STAB2: variants seen among roughly 807,000 people sequenced by gnomAD.
STAB2 encodes the protein stabilin-2.
Under a neutral mutation model 338.1 loss-of-function variants are expected in STAB2, and 288 were observed. The ratio of observed to expected loss-of-function variants is 0.85; its 90% CI spans 0.77 to 0.94. The LOEUF (loss-of-function observed/expected upper bound fraction) is 0.94, where lower values mean the gene tolerates loss of function less well. Ranked by LOEUF, STAB2 falls within the 40% of genes least tolerant of loss-of-function variation. The probability of loss-of-function intolerance (pLI) is 0.00; values close to 1 mark genes in which losing one functional copy is unlikely to be tolerated. For missense variants in STAB2, 3,141 were observed against 3,210.1 expected, an observed-to-expected ratio of 0.98 and a Z score of 0.52; for synonymous variants, 1,202 against 1,193.3, an observed-to-expected ratio of 1.01 and a Z score of -0.15.
chr12:103,717,797 A>G lies in STAB2; in HGVS notation c.4639A>G (p.Thr1547Ala), dbSNP rs1880444093. ...TGCCTGTAACTGTTTGCCAGCATACACTGGAGATGGAAAGGTCTGCACACT... is the reference window on the plus strand; with the variant it reads ...TGCCTGTAACTGTTTGCCAGCATACGCTGGAGATGGAAAGGTCTGCACACT... ...QAACNCLPAY[T>A]GDGKVCTLIN... The change falls in exon 44 of 69, where the codon ACT becomes GCT. Residue 1547 changes from threonine to alanine, a missense_variant. By Grantham distance (58) the Thr-to-Ala change is moderately conservative. Coordinates refer to ENST00000388887, the MANE Select transcript of STAB2 (RefSeq NM_017564.10). The G allele has an allele frequency of 2.5e-6, 4 of 1,614,084 alleles. No homozygotes were observed. Among genetic ancestry groups the G allele is most frequent in the Admixed American group, 1.7e-5 (1 of 60,028 alleles).
Position 103,717,780 on chromosome 12 carries a change from A to T in STAB2, c.4622A>T (p.Asn1541Ile), listed in dbSNP as rs766308655. 1 of 1,614,090 alleles carries T rather than the reference A, an allele frequency of 6.2e-7. No individual in the cohort carries two copies. The highest frequency in any genetic ancestry group is 1.7e-5 in the Admixed American group (1 of 60,014). Reference protein sequence around the residue: ...TQTGPNQAACNCLPAYTGDGK... With the variant: ...TQTGPNQAACICLPAYTGDGK... Reference sequence around the variant, plus strand: ...TCTACTCCTGGACAGGCTGCCTGTAACTGTTTGCCAGCATACACTGGAGAT... The same window carrying T: ...TCTACTCCTGGACAGGCTGCCTGTATCTGTTTGCCAGCATACACTGGAGAT... The change falls in exon 44 of 69, where the codon AAC becomes ATC. Residue 1541 changes from asparagine (N) to isoleucine (I), a missense_variant. By Grantham distance (149) the Asn-to-Ile change is moderately radical. Coordinates refer to ENST00000388887, the MANE Select transcript of STAB2 (RefSeq NM_017564.10).
intron 3 of STAB2, among the ~76,000 whole-genome samples, chr12:103,603,779 T>G (rs562359144): frequency 2.6e-5 from 4 of 152,348 alleles, no homozygotes; most frequent in African/African-American, 9.6e-5. Context: ...TAATTCGAAT[T>G]CCATTAAATC....
intron 3 of STAB2, among the ~76,000 whole-genome samples, chr12:103,613,101 G>A (rs560891292): frequency 1.3e-5 from 2 of 152,294 alleles, no homozygotes; most frequent in Admixed American, 1.3e-4. Flanking sequence ...GCCCCTACTG[G>A]GTGGTGCCTC....
chr12:103,668,606 G>A, intron 19 of STAB2, 37 bp from the exon 20 acceptor site: 1 of 1,542,620 alleles, frequency 6.5e-7, no homozygotes, highest in Non-Finnish European at 8.8e-7. Flanking sequence ...ACCTAAACAT[G>A]CTGACTGCCA....
Position 103,759,135 on chromosome 12 carries a change from C to T in STAB2, c.7110C>T (p.Thr2370=). The T allele has an allele frequency of 6.2e-7, 1 of 1,613,856 alleles. No individual in the cohort carries two copies. The highest frequency in any genetic ancestry group is 1.1e-5 in the South Asian group (1 of 90,996). The change falls in exon 65 of 69, where the codon ACC becomes ACT. Residue 2370 remains threonine (T), a splice_region_variant and synonymous_variant. Transcript: ENST00000388887. ...PQNSGLGENE[T]LSGRDIEHHL... is the part of the protein sequence containing the mutation. ...CTGTGTTTCTCCTTTTTTCTCAGAC[C>T]TTGTCTGGGCGGGACATCGAGCACC...
Position 103,702,996 on chromosome 12 carries a change from C to T in STAB2, c.3715-152C>T, listed in dbSNP as rs893000673. On this transcript the variant is annotated intron_variant, in intron 34 of 68. Transcript: ENST00000388887. ...GTTATTCAGACTTCCGCTCCTAAGTCAGAGCTCTTTCCAATACAAGTGACT... is the reference window on the plus strand; with the variant it reads ...GTTATTCAGACTTCCGCTCCTAAGTTAGAGCTCTTTCCAATACAAGTGACT... 42 of 922,862 alleles carry T rather than the reference C, an allele frequency of 4.6e-5. No homozygotes were observed. In the African/African-American group the frequency reaches 6.8e-4, roughly 15 times the overall value. 57.2% of individuals were successfully genotyped at this position (922,862 alleles called of 1,614,324 possible). A position where few individuals can be genotyped will look rare whatever the true frequency, so the allele number is the denominator to read the frequency against.
At chr12:103,681,613 C>CTTTTT (rs907234037) in intron 25 of STAB2, among the ~76,000 whole-genome samples, 4 of 92,948 alleles carry the variant, frequency 4.3e-5, no homozygotes, top group Non-Finnish European at 8.6e-5. Context: ...TTCCCCCCTA[C>CTTTTT]TTTTTTTTTT....
intron 5 of STAB2, among the ~76,000 whole-genome samples, chr12:103,623,874 C>G (rs1458925754): frequency 1.3e-5 from 2 of 152,158 alleles, no homozygotes; most frequent in African/African-American, 4.8e-5. Flanking sequence ...ACAAAACCCT[C>G]AGGCTAAGAG....
At chr12:103,647,276 A>G (rs11111696) in intron 9 of STAB2, among the ~76,000 whole-genome samples, 21,385 of 152,186 alleles carry the variant, frequency 0.14, 1,738 homozygotes, top group South Asian at 0.24. Context: ...CTTGTTGAAC[A>G]TGTAATCTAT....
chr12:103,730,875 C>G (rs142242730), intron 49 of STAB2, among the ~76,000 whole-genome samples: 2 of 152,148 alleles, frequency 1.3e-5, no homozygotes, highest in East Asian at 1.9e-4. Flanking sequence ...ATAGTGAAAC[C>G]CTGTTTCTAC....
chr12:103,588,616 A>G (rs1956749587), intron 1 of STAB2, among the ~76,000 whole-genome samples: 1 of 152,204 alleles, frequency 6.6e-6, no homozygotes, highest in South Asian at 2.1e-4. Context: ...AACTTTGTCA[A>G]TACTGTATGA....
chr12:103,765,751 A>AGGCTGATCTCGAACTCC (rs71097998), intron 68 of STAB2, among the ~76,000 whole-genome samples: 41,403 of 151,532 alleles, frequency 0.27, 6,498 homozygotes, highest in East Asian at 0.6. Flanking sequence ...CGTGTTGCTC[A>AGGCTGATCTCGAACTCC]GGCTGATCTC....
rs142356491 is a variant in STAB2 at position 103,727,154 on chromosome 12, T to TC, written c.4852-111dup. 2,561 of 1,033,776 alleles carry TC rather than the reference T, an allele frequency of 2.5e-3. 39 individuals are homozygous for TC. In the African/African-American group the frequency reaches 0.036, roughly 15 times the overall value. The allele number at this position is 1,033,776 out of a possible 1,614,324, so 64.0% of individuals were successfully genotyped here. On this transcript the variant is annotated intron_variant, in intron 46 of 68. Coordinates refer to ENST00000388887, the MANE Select transcript of STAB2 (RefSeq NM_017564.10). ...TGAATCCAAGACTGAAACAGAGGTC[T>TC]CCTCATCCAGTCTTTGCTTCACCCA...
chr12:103,694,730 A>G (rs1403339078), intron 31 of STAB2, among the ~76,000 whole-genome samples: 2 of 152,156 alleles, frequency 1.3e-5, no homozygotes, highest in African/African-American at 4.8e-5. Flanking sequence ...TTGGAAAAAT[A>G]CTGATTAGAT....
rs751501251 is a variant in STAB2 at position 103,683,302 on chromosome 12, T to C, written c.2901+2T>C. 1.2e-6 allele frequency: 2 copies of C among 1,601,160 alleles called. No individual in the cohort carries two copies. Among genetic ancestry groups the C allele is most frequent in the South Asian group, 1.1e-5 (1 of 88,328 alleles). ...CAAACCGGGAAATGTCATCCATTGG[T>C]GAGTTATTTAACCTTGTTTTTCATT... On this transcript the variant is annotated splice_donor_variant, in intron 26 of 68. Transcript: ENST00000388887. LOFTEE classifies it high-confidence loss of function.
chr12:103,603,896 A>C (rs928483801), intron 3 of STAB2, among the ~76,000 whole-genome samples: 10 of 152,086 alleles, frequency 6.6e-5, no homozygotes, highest in African/African-American at 1.9e-4. Context: ...TTTGTTTATC[A>C]CTGTTGTATA....
At chr12:103,712,966 A>G (rs1273977636) in intron 41 of STAB2, among the ~76,000 whole-genome samples, 3 of 152,202 alleles carry the variant, frequency 2.0e-5, no homozygotes, top group African/African-American at 4.8e-5. Flanking sequence ...TTTTGAGGTT[A>G]AGTGAGCTCT....
intron 22 of STAB2, among the ~76,000 whole-genome samples, chr12:103,673,299 A>C (rs56939481): frequency 0.033 from 5,028 of 151,550 alleles, 132 homozygotes; most frequent in East Asian, 0.15. Context: ...CCTCTTCCCC[A>C]CACCCCACAC....
At position 103,637,114 on chromosome 12, in the gene STAB2, T is replaced by C. The variant is rs761693171; in HGVS notation, c.587T>C (p.Ile196Thr). 2.5e-6 allele frequency: 4 copies of C among 1,602,462 alleles called. No individual in the cohort carries two copies. The highest frequency in any genetic ancestry group is 3.4e-6 in the Non-Finnish European group (4 of 1,176,120). ...CTTCAACAATTTTCCTATGCAGCCA[T>C]CCCTGAATGTGCAGCCTTGCTCTGC... ...AYTGPKCDKPIPECAALLCPE... is the reference protein window; with the variant it reads ...AYTGPKCDKPTPECAALLCPE... Residue 196 changes from isoleucine (I) to threonine (T), a missense_variant, in exon 7 of 69, where the codon ATC becomes ACC. Ile to Thr is a moderately conservative substitution (Grantham distance 89). Transcript: ENST00000388887.
Sources: allele counts gnomAD v4.1 joint callset (sites outside exome capture counted in the v4.1 genomes callset), GRCh38; gene constraint gnomAD v4.1.1; transcripts MANE v1.5; gene names NCBI Gene and HGNC (gene_info 2026-07-23, HGNC 2026-07-21).